The following CIBAR1 variants were observed in gnomAD, a reference collection of about 807,000 sequenced individuals.
CIBAR1 encodes CBY1 interacting BAR domain containing 1.
CIBAR1 carries 25 observed loss-of-function variants against 44.0 expected under a neutral mutation model. That is an observed-to-expected ratio of 0.57 (90% CI 0.41 to 0.79). The LOEUF is 0.79. CIBAR1 is among the 30% of genes least tolerant of loss of function. The pLI is 0.00. For synonymous variants in CIBAR1, 115 were observed against 119.0 expected, an observed-to-expected ratio of 0.97 and a Z score of 0.22; for missense variants, 278 against 344.8, an observed-to-expected ratio of 0.81 and a Z score of 1.53.
intron 6 of CIBAR1, among the ~76,000 whole-genome samples, chr8:93,716,772 TTTAAACA>T (rs1336703948): frequency 2.0e-5 from 3 of 152,348 alleles, no homozygotes; most frequent in East Asian, 1.9e-4. Flanking sequence ...TTTAAAATAC[TTTAAACA>T]TTAAATATTT....
At chr8:93,708,618 G>A (rs1208860759) in intron 5 of CIBAR1, among the ~76,000 whole-genome samples, 3 of 152,054 alleles carry the variant, frequency 2.0e-5, no homozygotes, top group Non-Finnish European at 2.9e-5. Flanking sequence ...TTTATTTTTT[G>A]TAATAAGCAT....
chr8:93,719,026 G>A (rs755989779), intron 7 of CIBAR1, among the ~76,000 whole-genome samples: 1 of 152,026 alleles, frequency 6.6e-6, no homozygotes. Context: ...ACCATGCCCA[G>A]CTAATTTTTG....
Position 93,730,151 on chromosome 8 carries a change from G to GAATTAAAT in CIBAR1, c.*1855_*1862dup. On this transcript the variant is annotated 3_prime_UTR_variant, in exon 9 of 9. Transcript: ENST00000518322. Reference sequence around the variant, plus strand: ...TGTAGTACATTTACTAGGATTATCAGAATTAAATGATAGTTAATTCATACA... The same window carrying GAATTAAAT: ...TGTAGTACATTTACTAGGATTATCAGAATTAAATAATTAAATGATAGTTAATTCATACA... 6.6e-6 allele frequency: 1 copy of GAATTAAAT among 152,222 alleles called. No homozygotes were observed. Among genetic ancestry groups the GAATTAAAT allele is most frequent in the African/African-American group, 2.4e-5 (1 of 41,532 alleles). 9.4% of individuals were successfully genotyped at this position (152,222 alleles called of 1,614,324 possible).
intron 7 of CIBAR1, among the ~76,000 whole-genome samples, chr8:93,725,564 C>A (rs183315030): frequency 6.0e-5 from 9 of 150,660 alleles, no homozygotes; most frequent in African/African-American, 2.2e-4. Flanking sequence ...GAGATGAAGT[C>A]GAATATTCAA....
rs578229212 is a variant in CIBAR1, at chr8:93,728,446, A to T, written c.*149A>T. The T allele has an allele frequency of 2.1e-5, 11 of 520,050 alleles. No individual in the cohort carries two copies. In the East Asian group the frequency reaches 3.5e-4, roughly 17 times the overall value. 32.2% of individuals were successfully genotyped at this position (520,050 alleles called of 1,614,324 possible). A position where few individuals can be genotyped will look rare whatever the true frequency, so the allele number is the denominator to read the frequency against. On this transcript the variant is annotated 3_prime_UTR_variant, in exon 9 of 9. Transcript: ENST00000518322. ...TAAAGGAAACTTATGCTGACCAAAA[A>T]TGAAGGCTTTAAAAAATATTGCATA...
chr8:93,718,824 T>C (rs1281814584), intron 7 of CIBAR1, 36 bp downstream of exon 7: 32 of 1,223,644 alleles, frequency 2.6e-5, no homozygotes, highest in Non-Finnish European at 3.5e-5. Context: ...GTTCTTCTGT[T>C]AATGTGGAAA....
chr8:93,723,940 TAGAG>T (rs1811371230), intron 7 of CIBAR1, among the ~76,000 whole-genome samples: 1 of 152,148 alleles, frequency 6.6e-6, no homozygotes, highest in South Asian at 2.1e-4. Context: ...AGTTTTAGAA[TAGAG>T]AAAGAGGCCA....
At chr8:93,704,667 A>G (rs1411454589) in intron 3 of CIBAR1, among the ~76,000 whole-genome samples, 1 of 152,230 alleles carries the variant, frequency 6.6e-6, no homozygotes, top group African/African-American at 2.4e-5. Context: ...ATATGCATAT[A>G]TCTATTATGG....
At chr8:93,703,026 A>G (rs554634305) in intron 2 of CIBAR1, among the ~76,000 whole-genome samples, 264 of 152,338 alleles carry the variant, frequency 1.7e-3, no homozygotes, top group African/African-American at 6.1e-3. Flanking sequence ...TGTAACGTTT[A>G]AGAAAAACTA....
chr8:93,701,558 G>A (rs185654061), intron 2 of CIBAR1, 100 bp downstream of exon 2: 51 of 946,998 alleles, frequency 5.4e-5, no homozygotes, highest in Admixed American at 3.4e-4. Context: ...TAACTGCAGA[G>A]GTGGATGCAA....
At chr8:93,710,614 A>C (rs1204649114) in intron 6 of CIBAR1, among the ~76,000 whole-genome samples, 1 of 152,134 alleles carries the variant, frequency 6.6e-6, no homozygotes, top group Non-Finnish European at 1.5e-5. Context: ...CGGGCAGATC[A>C]CTTGAGGTCA....
At chr8:93,707,229 A>G in intron 4 of CIBAR1, 1 of 433,286 alleles carries the variant, frequency 2.3e-6, no homozygotes, top group Non-Finnish European at 4.6e-6. Context: ...AGTGAAAAGA[A>G]GAAATATTAG....
At chr8:93,723,650 T>C (rs937027842) in intron 7 of CIBAR1, among the ~76,000 whole-genome samples, 3 of 152,146 alleles carry the variant, frequency 2.0e-5, no homozygotes, top group Admixed American at 1.3e-4. Flanking sequence ...AGGAGATGCA[T>C]AGATAAAACA....
rs1460214714 is a variant in CIBAR1, at chr8:93,701,206, G to A, written c.27-18G>A. On this transcript the variant is annotated intron_variant, in intron 1 of 8. Transcript: ENST00000518322. ...CTCTAACGAGAATGTTTTGCCTTTTGTGTCACCTTTTCCCTAGGAACGCTC... is the reference window on the plus strand; with the variant it reads ...CTCTAACGAGAATGTTTTGCCTTTTATGTCACCTTTTCCCTAGGAACGCTC... 1 of 1,606,488 alleles carries A rather than the reference G, an allele frequency of 6.2e-7. No homozygotes were observed. The highest frequency in any genetic ancestry group is 8.5e-7 in the Non-Finnish European group (1 of 1,176,180).
chr8:93,729,744 C>G lies in CIBAR1; in HGVS notation c.*1447C>G, dbSNP rs571816456. 6.6e-6 allele frequency: 1 copy of G among 152,104 alleles called. No individual in the cohort carries two copies. Among genetic ancestry groups the G allele is most frequent in the Non-Finnish European group, 1.5e-5 (1 of 68,018 alleles). The allele number at this position is 152,104 out of a possible 1,614,324, so 9.4% of individuals were successfully genotyped here. A position where few individuals can be genotyped will look rare whatever the true frequency, so the allele number is the denominator to read the frequency against. On this transcript the variant is annotated 3_prime_UTR_variant, in exon 9 of 9. Coordinates refer to ENST00000518322, the MANE Select transcript of CIBAR1 (RefSeq NM_145269.5). ...TTTAGGCAAATTCAAGACTATTATA[C>G]AGGTAACTATGTAACCATGTAAGAC...
In CIBAR1 at chr8:93,700,686, GC is replaced by G; in HGVS notation, c.26+16del. On this transcript the variant is annotated intron_variant, in intron 1 of 8. Coordinates refer to ENST00000518322, the MANE Select transcript of CIBAR1 (RefSeq NM_145269.5). ...CCCTGGAAAACCGGTAACAGCCCGA[GC>G]CCAGCTGCCCAGGGCCGCCCACACT... 6.7e-7 allele frequency: 1 copy of G among 1,502,194 alleles called. No homozygotes were observed. The highest frequency in any genetic ancestry group is 8.9e-7 in the Non-Finnish European group (1 of 1,126,198). 93.1% of individuals were successfully genotyped at this position (1,502,194 alleles called of 1,614,324 possible). A position where few individuals can be genotyped will look rare whatever the true frequency, so the allele number is the denominator to read the frequency against.
chr8:93,712,903 C>T (rs1040888094), intron 6 of CIBAR1, among the ~76,000 whole-genome samples: 1 of 151,702 alleles, frequency 6.6e-6, no homozygotes, highest in Non-Finnish European at 1.5e-5. Flanking sequence ...CCACTTCAGC[C>T]TCCCAAAGTG....
At chr8:93,715,648 C>T (rs547681908) in intron 6 of CIBAR1, 1 of 152,242 alleles carries the variant, frequency 6.6e-6, no homozygotes, top group Non-Finnish European at 1.5e-5. Context: ...TATTTTTAGT[C>T]CTAACAGTTA....
chr8:93,727,244 G>A lies in CIBAR1; in HGVS notation c.777+731G>A, dbSNP rs1811558744. The stretch of plus-strand genomic sequence containing the variant: ...ACTTATTTTCAAGATACAACTTTTA[G>A]GTAAATTTGATACCATACTTTCTAT... On this transcript the variant is annotated intron_variant, in intron 8 of 8. Coordinates refer to ENST00000518322, the MANE Select transcript of CIBAR1 (RefSeq NM_145269.5). The A allele has an allele frequency of 3.3e-6, 4 of 1,221,820 alleles. No individual in the cohort carries two copies. The South Asian group carries it at 3.9e-5, about 12-fold the overall frequency. The allele number at this position is 1,221,820 out of a possible 1,614,324, so 75.7% of individuals were successfully genotyped here. A position where few individuals can be genotyped will look rare whatever the true frequency, so the allele number is the denominator to read the frequency against.
Sources: allele counts gnomAD v4.1 joint callset (sites outside exome capture counted in the v4.1 genomes callset), GRCh38; gene constraint gnomAD v4.1.1; transcripts MANE v1.5; gene names NCBI Gene and HGNC (gene_info 2026-07-23, HGNC 2026-07-21).